DMD: variants seen among roughly 807,000 people sequenced by gnomAD.
DMD encodes mutant dystrophin.
A neutral mutation model predicts 330.1 loss-of-function variants in DMD; 63 were observed. The ratio of observed to expected loss-of-function variants is 0.19; its 90% confidence interval spans 0.16 to 0.24. The LOEUF (loss-of-function observed/expected upper bound fraction) is 0.24. DMD is among the 10% of genes least tolerant of loss of function. DMD has a pLI of 1.00. For synonymous variants in DMD, 1,223 were observed against 959.8 expected (o/e 1.27, Z -5.07); for missense variants, 3,344 against 2,684.1 (o/e 1.25, Z -5.43).
At chrX:31,762,432 G>T (rs1403722167) in intron 51 of DMD, among the ~76,000 whole-genome samples, 2 of 111,132 alleles carry the variant, frequency 1.8e-5, no homozygotes, top group South Asian at 3.8e-4. Context: ...AGCTGGGCGT[G>T]GTGGTGCGTT....
chrX:31,140,782 GT>G (rs2035943685), intron 76 of DMD, among the ~76,000 whole-genome samples: 1 of 16,550 alleles, frequency 6.0e-5, no homozygotes, highest in African/African-American at 1.1e-4. Flanking sequence ...TTTACTGATT[GT>G]TTGTTGCACA....
intron 60 of DMD, among the ~76,000 whole-genome samples, chrX:31,373,572 G>A (rs1345175052): frequency 9.7e-6 from 1 of 103,546 alleles, no homozygotes; most frequent in Non-Finnish European, 2.0e-5. Context: ...AATGGGGAAA[G>A]GATTCCCTAT....
chrX:31,905,839 T>C (rs946847900), intron 47 of DMD, among the ~76,000 whole-genome samples: 5 of 112,408 alleles, frequency 4.4e-5, no homozygotes, highest in African/African-American at 1.6e-4. Context: ...GAATAATAGT[T>C]CTATTCCATT....
At chrX:32,223,768 TTGG>T (rs2097138979) in intron 43 of DMD, among the ~76,000 whole-genome samples, 1 of 112,080 alleles carries the variant, frequency 8.9e-6, no homozygotes, top group East Asian at 2.8e-4. Context: ...ATGATTCTGG[TTGG>T]TAAGCAGTGA....
intron 1 of DMD, among the ~76,000 whole-genome samples, chrX:33,048,694 T>TAAAAA (rs748856962): frequency 3.6e-4 from 13 of 35,621 alleles, no homozygotes; most frequent in East Asian, 1.5e-3. Context: ...ACTCCCCATC[T>TAAAAA]AAAAAAAAAA....
At chrX:31,878,846 C>A (rs1038130979) in intron 47 of DMD, among the ~76,000 whole-genome samples, 1 of 112,250 alleles carries the variant, frequency 8.9e-6, no homozygotes, top group Non-Finnish European at 1.9e-5. Flanking sequence ...TCTGCAGGTA[C>A]ACTATGCTGC....
chrX:32,368,375 T>C (rs2097861649), intron 34 of DMD, among the ~76,000 whole-genome samples: 1 of 111,325 alleles, frequency 9.0e-6, no homozygotes, highest in Non-Finnish European at 1.9e-5. Context: ...CATGAATGAC[T>C]ACAAGGGAAA....
At chrX:31,475,633 T>G (rs1308178493) in intron 59 of DMD, among the ~76,000 whole-genome samples, 1 of 112,109 alleles carries the variant, frequency 8.9e-6, no homozygotes, top group East Asian at 2.8e-4. Context: ...ATCAACATAT[T>G]TAATGCTTTT....
chrX:31,181,850 G>T (rs6631256), intron 68 of DMD, among the ~76,000 whole-genome samples: 27,728 of 111,686 alleles, frequency 0.25, 3,286 homozygotes, highest in African/African-American at 0.46. Flanking sequence ...ATAGACCATA[G>T]AGCTAGTTTA....
chrX:32,317,088 T>C (rs1176780900), intron 41 of DMD, among the ~76,000 whole-genome samples: 1 of 111,386 alleles, frequency 9.0e-6, no homozygotes, highest in Non-Finnish European at 1.9e-5. Context: ...GTCTAACCTT[T>C]TGAAAATCAA....
Position 32,083,881 on chromosome X carries a change from G to T in DMD, c.6439-115367C>A, listed in dbSNP as rs770317208. Reference sequence around the variant, plus strand: ...CCACATTTGTAGGTTTAAATGTTCAGATTGCCTAGAAAGCTTTGCATATGC... The same window carrying T: ...CCACATTTGTAGGTTTAAATGTTCATATTGCCTAGAAAGCTTTGCATATGC... On this transcript the variant is annotated intron_variant, in intron 44 of 78. Coordinates refer to ENST00000357033, the MANE Select transcript of DMD (RefSeq NM_004006.3). 4.4e-5 allele frequency among the ~76,000 whole-genome samples: 5 copies of T among 112,638 alleles called. No individual in the cohort carries two copies. The South Asian group carries it at 1.1e-3, about 25-fold the overall frequency.
chrX:32,394,398 C>A (rs1036123116), intron 30 of DMD, among the ~76,000 whole-genome samples: 1 of 111,827 alleles, frequency 8.9e-6, no homozygotes, highest in African/African-American at 3.2e-5. Flanking sequence ...TGTTCTGAAC[C>A]TTGATTTTCT....
intron 7 of DMD, among the ~76,000 whole-genome samples, chrX:32,804,744 G>T (rs1252755431): frequency 8.9e-6 from 1 of 112,018 alleles, no homozygotes; most frequent in Non-Finnish European, 1.9e-5. Flanking sequence ...CAACTGGTGG[G>T]TGCCCCTCTG....
chrX:31,458,528 A>G (rs1217615101), intron 59 of DMD, among the ~76,000 whole-genome samples: 1 of 108,674 alleles, frequency 9.2e-6, no homozygotes, highest in Non-Finnish European at 1.9e-5. Context: ...AAAAAAAAAA[A>G]AAAAAAATCA....
chrX:31,543,559 C>T (rs971339880), intron 55 of DMD, among the ~76,000 whole-genome samples: 4 of 112,398 alleles, frequency 3.6e-5, no homozygotes, highest in Admixed American at 1.9e-4. Context: ...TCACCTTAGA[C>T]TGTTTACATG....
intron 43 of DMD, among the ~76,000 whole-genome samples, chrX:32,271,641 G>A (rs1326506428): frequency 8.9e-6 from 1 of 112,629 alleles, no homozygotes; most frequent in Non-Finnish European, 1.9e-5. Context: ...CAAGTAAGCA[G>A]ACAAGCAAGC....
At chrX:31,803,608 TTCCCTCCCTCCC>T (rs200151953) in intron 50 of DMD, among the ~76,000 whole-genome samples, 2 of 92,198 alleles carry the variant, frequency 2.2e-5, no homozygotes, top group Admixed American at 1.2e-4. Context: ...TTTCTTTTCT[TTCCCTCCCTCCC>T]TCCCTCCCTC....
chrX:32,312,940 ACC>A (rs2097568562), intron 41 of DMD, among the ~76,000 whole-genome samples: 1 of 79,663 alleles, frequency 1.3e-5, no homozygotes, highest in Non-Finnish European at 2.4e-5. Flanking sequence ...TAGCCTACGA[ACC>A]AAAAAAAAAA....
rs775790760 is a variant in DMD, at chrX:33,033,554, C to CAAAAA, written c.32-13359_32-13355dup. ...TGAAACCCCGTCTCTACTAAAAATA[C>CAAAAA]AAAAAAAAAAAAAAACTAGCCGGGC... On this transcript the variant is annotated intron_variant, in intron 1 of 78. Coordinates refer to ENST00000357033, the MANE Select transcript of DMD (RefSeq NM_004006.3). Among the ~76,000 whole-genome samples the CAAAAA allele has an allele frequency of 3.2e-3, 235 of 74,507 alleles. 9 individuals carry two copies. Among genetic ancestry groups the CAAAAA allele is most frequent in the African/African-American group, 0.013 (224 of 17,803 alleles). The allele number at this position is 74,507 out of a possible 115,157, so 64.7% of individuals were successfully genotyped here.
Sources: gnomAD v4.1 joint callset for allele counts (sites outside exome capture counted in the v4.1 genomes callset) on GRCh38, gnomAD v4.1.1 for gene constraint, MANE v1.5 for transcripts, NCBI Gene and HGNC (gene_info 2026-07-23, HGNC 2026-07-21) for gene names.